The following NUP214 variants were observed in gnomAD, a reference collection of about 807,000 sequenced individuals.
NUP214 encodes nucleoporin 214, also known as nuclear pore complex protein Nup214.
Under a neutral mutation model 196.2 loss-of-function variants are expected in NUP214, and 79 were observed. The ratio of observed to expected loss-of-function variants is 0.40; its 90% CI spans 0.34 to 0.49. The LOEUF is 0.49. Among genes scored for constraint, NUP214 ranks in the 20% least tolerant of loss-of-function variants. The probability of loss-of-function intolerance (pLI) is 0.58; values close to 1 mark genes in which losing one functional copy is unlikely to be tolerated. For missense variants in NUP214, 2,468 were observed against 2,539.0 expected, an observed-to-expected ratio of 0.97 and a Z score of 0.60; for synonymous variants, 1,020 against 990.5, an observed-to-expected ratio of 1.03 and a Z score of -0.56.
chr9:131,199,106 A>T, intron 29 of NUP214, 91 bp downstream of exon 29: 1 of 1,463,142 alleles, frequency 6.8e-7, no homozygotes, highest in Non-Finnish European at 9.1e-7. Flanking sequence ...ATTAAAGGGG[A>T]GACTCAAAAC....
At chr9:131,187,911 G>A (rs1383380877) in intron 25 of NUP214, among the ~76,000 whole-genome samples, 1 of 152,108 alleles carries the variant, frequency 6.6e-6, no homozygotes, top group East Asian at 1.9e-4. Flanking sequence ...AGTAATTTGG[G>A]GTCATAATTC....
chr9:131,144,153 T>C (rs1832011750), intron 11 of NUP214, 127 bp from the exon 12 acceptor site: 2 of 760,620 alleles, frequency 2.6e-6, no homozygotes, highest in South Asian at 3.5e-5. Flanking sequence ...CATGTGTTCT[T>C]TTTGCTTCTT....
chr9:131,216,580 T>A (rs1251714136), intron 31 of NUP214, among the ~76,000 whole-genome samples: 2 of 148,372 alleles, frequency 1.3e-5, no homozygotes, highest in Non-Finnish European at 3.0e-5. Context: ...TCACCCAGGC[T>A]GGAGTGCAGT....
chr9:131,228,071 G>T, intron 32 of NUP214, 89 bp from the exon 33 acceptor site: 1 of 1,285,682 alleles, frequency 7.8e-7, no homozygotes. Flanking sequence ...TTCCTATTTT[G>T]ATTTGGTTTC....
intron 24 of NUP214, among the ~76,000 whole-genome samples, chr9:131,181,075 T>A (rs918494042): frequency 6.6e-5 from 10 of 152,152 alleles, no homozygotes; most frequent in Non-Finnish European, 8.8e-5. Flanking sequence ...GAGAGTATTG[T>A]CTGAACATGG....
At chr9:131,172,740 C>T (rs1832994793) in intron 21 of NUP214, among the ~76,000 whole-genome samples, 2 of 152,178 alleles carry the variant, frequency 1.3e-5, no homozygotes, top group South Asian at 4.1e-4. Flanking sequence ...GCTAAGACAG[C>T]CGTAGCACAT....
intron 30 of NUP214, among the ~76,000 whole-genome samples, chr9:131,204,562 G>A (rs1473771631): frequency 6.6e-6 from 1 of 152,166 alleles, no homozygotes; most frequent in South Asian, 2.1e-4. Flanking sequence ...TACAAAAACA[G>A]GCAGTGAGCT....
chr9:131,202,520 C>T (rs1284734875), intron 30 of NUP214, among the ~76,000 whole-genome samples: 1 of 152,026 alleles, frequency 6.6e-6, no homozygotes, highest in African/African-American at 2.4e-5. Context: ...GCCTCCCAGG[C>T]TCAAGTCATC....
Position 131,146,090 on chromosome 9 carries a change from A to T in NUP214, c.1770-39A>T. ...TCATGCTAGTGTAAAAGAATCTTCTAGCAGGCTCTTCTGAGGCCTTCAGGC... is the reference window on the plus strand; with the variant it reads ...TCATGCTAGTGTAAAAGAATCTTCTTGCAGGCTCTTCTGAGGCCTTCAGGC... On this transcript the variant is annotated intron_variant, in intron 12 of 35. Coordinates refer to ENST00000359428, the MANE Select transcript of NUP214 (RefSeq NM_005085.4). This position sits in a 1 kb window ranked among gnomAD's most constrained non-coding sequence, Gnocchi z 4.6. 1 of 1,595,554 alleles carries T rather than the reference A, an allele frequency of 6.3e-7. No individual in the cohort carries two copies. Among genetic ancestry groups the T allele is most frequent in the South Asian group, 1.1e-5 (1 of 90,544 alleles).
intron 31 of NUP214, among the ~76,000 whole-genome samples, chr9:131,217,791 A>G (rs1834444295): frequency 6.6e-6 from 1 of 152,204 alleles, no homozygotes; most frequent in Admixed American, 6.5e-5. Flanking sequence ...CCCTATAAAC[A>G]TTCGTTTACT....
At chr9:131,173,978 T>TA (rs1204169943) in intron 21 of NUP214, 77 bp from the exon 22 acceptor site, 1 of 1,483,006 alleles carries the variant, frequency 6.7e-7, no homozygotes, top group Non-Finnish European at 9.1e-7. Context: ...TTTTTTTTTT[T>TA]ATCAACAGTG....
At chr9:131,193,629 CTTTTTTTT>C (rs71389402) in intron 27 of NUP214, among the ~76,000 whole-genome samples, 164 of 28,230 alleles carry the variant, frequency 5.8e-3, no homozygotes, top group African/African-American at 0.016. Flanking sequence ...TCTTCCTTTT[CTTTTTTTT>C]TTTTTTTTTT....
Position 131,140,558 on chromosome 9 carries a change from AGACTCTTC to A in NUP214, c.1143_1150del (p.Lys381AsnfsTer22). On this transcript the variant is annotated frameshift_variant, in exon 11 of 36. Transcript: ENST00000359428. LOFTEE classifies it high-confidence loss of function. ...TTTTCTTTTTTAACAGGTGATGAAA[AGACTCTTC>A]CTCCTGCTCCAGTTCTCATGTTACT... The A allele has an allele frequency of 6.2e-7, 1 of 1,604,246 alleles. No individual in the cohort carries two copies. Among genetic ancestry groups the A allele is most frequent in the Non-Finnish European group, 8.5e-7 (1 of 1,177,438 alleles).
At position 131,144,460 on chromosome 9, in the gene NUP214, C is replaced by G. The variant is rs749474640; in HGVS notation, c.1475C>G (p.Ser492Cys). The G allele has an allele frequency of 1.1e-5, 17 of 1,614,090 alleles. No individual in the cohort carries two copies. In the East Asian group the frequency reaches 3.8e-4, roughly 36 times the overall value. ...TTTGGTTCTTCATCTTTGAAGTCAT[C>G]TGCTACGGTCACTGGGGAGCCCCCT... ...FSFGSSSLKS[S>C]ATVTGEPPSY... The change falls in exon 12 of 36, where the codon TCT (serine) becomes TGT (cysteine). Residue 492 changes from serine to cysteine, a missense_variant. By Grantham distance (112) the Ser-to-Cys change is moderately radical. Coordinates refer to ENST00000359428, the MANE Select transcript of NUP214 (RefSeq NM_005085.4).
intron 32 of NUP214, among the ~76,000 whole-genome samples, chr9:131,227,672 G>A (rs1379906574): frequency 6.6e-6 from 1 of 152,130 alleles, no homozygotes; most frequent in South Asian, 2.1e-4. Context: ...TTATAATTTG[G>A]GTTTCTATGA....
intron 17 of NUP214, among the ~76,000 whole-genome samples, chr9:131,158,381 C>T (rs1472383609): frequency 1.3e-5 from 2 of 152,208 alleles, no homozygotes; most frequent in African/African-American, 2.4e-5. Flanking sequence ...GCCCAGCCAC[C>T]TGGCCTGTTT....
intron 17 of NUP214, among the ~76,000 whole-genome samples, chr9:131,156,633 C>T (rs894627808): frequency 6.8e-5 from 10 of 148,034 alleles, no homozygotes; most frequent in African/African-American, 2.3e-4. Context: ...TCAGCTTGGT[C>T]GCTGTTGGTG....
At chr9:131,133,301 T>TGG in intron 7 of NUP214, 92 bp downstream of exon 7, 1 of 709,494 alleles carries the variant, frequency 1.4e-6, no homozygotes, top group Non-Finnish European at 2.2e-6. Context: ...TTTTTGTGTT[T>TGG]GTGTTTTTTT....
chr9:131,225,131 C>T (rs1834686311), intron 32 of NUP214, among the ~76,000 whole-genome samples: 1 of 151,888 alleles, frequency 6.6e-6, no homozygotes, highest in East Asian at 1.9e-4. Context: ...CTAATTCAGA[C>T]ACTGGGTACA....
Sources: allele counts gnomAD v4.1 joint callset (sites outside exome capture counted in the v4.1 genomes callset), GRCh38; gene constraint gnomAD v4.1.1; non-coding constraint Gnocchi (gnomAD v3.1); transcripts MANE v1.5; gene names NCBI Gene and HGNC (gene_info 2026-07-23, HGNC 2026-07-21).